TMEM132D: variants seen among roughly 807,000 people sequenced by gnomAD.
TMEM132D encodes transmembrane protein 132D.
A neutral mutation model predicts 62.3 loss-of-function variants in TMEM132D; 21 were observed. That is an observed-to-expected ratio of 0.34 (90% CI 0.24 to 0.49). The LOEUF is 0.49. TMEM132D is among the 20% of genes least tolerant of loss of function. The pLI is 0.99. For missense variants in TMEM132D, 1,346 were observed against 1,402.8 expected, an observed-to-expected ratio of 0.96 and a Z score of 0.65; for synonymous variants, 621 against 575.6, an observed-to-expected ratio of 1.08 and a Z score of -1.13.
At chr12:129,737,371 T>C (rs1869460703) in intron 1 of TMEM132D, among the ~76,000 whole-genome samples, 1 of 152,214 alleles carries the variant, frequency 6.6e-6, no homozygotes, top group Non-Finnish European at 1.5e-5. Context: ...GTTTTAATGT[T>C]TCCTAATTAG....
intron 1 of TMEM132D, among the ~76,000 whole-genome samples, chr12:129,870,313 T>C (rs1405585879): frequency 1.3e-5 from 2 of 152,242 alleles, no homozygotes; most frequent in East Asian, 1.9e-4. Flanking sequence ...AGGTGACTCA[T>C]GGGTGAACCC....
At chr12:129,761,619 T>C (rs1870381387) in intron 1 of TMEM132D, among the ~76,000 whole-genome samples, 1 of 152,200 alleles carries the variant, frequency 6.6e-6, no homozygotes, top group Non-Finnish European at 1.5e-5. Context: ...TCTCTCTCGG[T>C]TCTCCGCGGT....
chr12:129,890,112 T>C (rs142918798), intron 1 of TMEM132D, among the ~76,000 whole-genome samples: 2 of 152,348 alleles, frequency 1.3e-5, no homozygotes, highest in Middle Eastern at 3.4e-3. Flanking sequence ...ACACCAGTTC[T>C]AGGTCCCTTC....
intron 5 of TMEM132D, among the ~76,000 whole-genome samples, chr12:129,104,558 C>A (rs549373278): frequency 2.6e-5 from 4 of 152,078 alleles, no homozygotes; most frequent in South Asian, 2.1e-4. Context: ...TAATTAAACT[C>A]AAGAGCTTCT....
intron 2 of TMEM132D, among the ~76,000 whole-genome samples, chr12:129,617,069 C>T (rs568964852): frequency 6.6e-6 from 1 of 152,298 alleles, no homozygotes; most frequent in East Asian, 1.9e-4. Flanking sequence ...ATTTCTCAGA[C>T]TCCTGTACTG....
intron 2 of TMEM132D, among the ~76,000 whole-genome samples, chr12:129,577,149 A>G (rs1877686728): frequency 6.6e-6 from 1 of 151,872 alleles, no homozygotes; most frequent in Non-Finnish European, 1.5e-5. Flanking sequence ...CTTGAGAACC[A>G]CTAGAGATCA....
rs1028979872 is a variant in TMEM132D at position 129,371,305 on chromosome 12, T to C, written c.1116-33488A>G. On this transcript the variant is annotated intron_variant, in intron 3 of 8. Coordinates refer to ENST00000422113, the MANE Select transcript of TMEM132D (RefSeq NM_133448.3). This position sits in a 1 kb window ranked among gnomAD's most constrained non-coding sequence, Gnocchi z 4.3. Reference sequence around the variant, plus strand: ...GTGACGATGATGATGATGATGGAGATAATGATGATGGTGGTGGTGATAACG... The same window carrying C: ...GTGACGATGATGATGATGATGGAGACAATGATGATGGTGGTGGTGATAACG... 2.6e-5 allele frequency among the ~76,000 whole-genome samples: 4 copies of C among 151,216 alleles called. No homozygotes were observed. The highest frequency in any genetic ancestry group is 5.9e-5 in the Non-Finnish European group (4 of 67,658).
chr12:129,149,716 T>A (rs184638343), intron 5 of TMEM132D, among the ~76,000 whole-genome samples: 13 of 152,294 alleles, frequency 8.5e-5, no homozygotes, highest in African/African-American at 3.1e-4. Flanking sequence ...TTTTCAATCC[T>A]GCCTCACTCA....
rs576718162 is a variant in TMEM132D, at chr12:129,554,532, G to A, written c.969-23327C>T. On this transcript the variant is annotated intron_variant, in intron 2 of 8. Coordinates refer to ENST00000422113, the MANE Select transcript of TMEM132D (RefSeq NM_133448.3). ...GGGTTCCATGAGGCCTCATGGTACA[G>A]TACTTTATGTTCATGAACAGCCATG... Among the ~76,000 whole-genome samples the A allele has an allele frequency of 2.1e-3, 318 of 152,256 alleles. 3 individuals carry two copies. The highest frequency in any genetic ancestry group is 7.3e-3 in the African/African-American group (304 of 41,560).
At chr12:129,686,704 T>C (rs1365693937) in intron 2 of TMEM132D, among the ~76,000 whole-genome samples, 1 of 152,184 alleles carries the variant, frequency 6.6e-6, no homozygotes, top group Non-Finnish European at 1.5e-5. Flanking sequence ...ACACAAGCAC[T>C]CCCTGGGAGA....
At chr12:129,864,568 C>T (rs1874000146) in intron 1 of TMEM132D, among the ~76,000 whole-genome samples, 1 of 152,158 alleles carries the variant, frequency 6.6e-6, no homozygotes, top group South Asian at 2.1e-4. Context: ...TGGAGACCTG[C>T]TGGAAGCCAC....
At chr12:129,116,443 G>A (rs971221434) in intron 5 of TMEM132D, among the ~76,000 whole-genome samples, 1 of 151,998 alleles carries the variant, frequency 6.6e-6, no homozygotes, top group Non-Finnish European at 1.5e-5. Context: ...ACCCTGGGAA[G>A]AAAATGTAAA....
intron 3 of TMEM132D, among the ~76,000 whole-genome samples, chr12:129,439,343 C>G (rs1034677177): frequency 1.3e-5 from 2 of 152,138 alleles, no homozygotes; most frequent in African/African-American, 4.8e-5. Flanking sequence ...TCTCTTTACC[C>G]CCTTTCTCTC....
intron 2 of TMEM132D, among the ~76,000 whole-genome samples, chr12:129,654,705 C>T (rs893668841): frequency 6.6e-6 from 1 of 152,150 alleles, no homozygotes; most frequent in Non-Finnish European, 1.5e-5. Flanking sequence ...ACACAACCTC[C>T]CAAGGCCAGT....
At chr12:129,437,568 G>A (rs1872819740) in intron 3 of TMEM132D, among the ~76,000 whole-genome samples, 1 of 152,046 alleles carries the variant, frequency 6.6e-6, no homozygotes, top group Admixed American at 6.6e-5. Context: ...TGTTGGTAAG[G>A]ATGTGAAGTG....
At chr12:129,868,064 T>C (rs1874114057) in intron 1 of TMEM132D, among the ~76,000 whole-genome samples, 1 of 152,150 alleles carries the variant, frequency 6.6e-6, no homozygotes, top group African/African-American at 2.4e-5. Flanking sequence ...AGCGTTTCTA[T>C]GGTACACACA....
At chr12:129,762,493 T>C (rs559011067) in intron 1 of TMEM132D, among the ~76,000 whole-genome samples, 2 of 152,198 alleles carry the variant, frequency 1.3e-5, no homozygotes, top group South Asian at 4.2e-4. Flanking sequence ...GTGTAGGTGT[T>C]TTGCTCTGTC....
chr12:129,225,588 T>C (rs1879458772), intron 4 of TMEM132D, among the ~76,000 whole-genome samples: 1 of 152,216 alleles, frequency 6.6e-6, no homozygotes, highest in Non-Finnish European at 1.5e-5. Context: ...TTCCAAGTAG[T>C]ATCTACCACA....
intron 3 of TMEM132D, among the ~76,000 whole-genome samples, chr12:129,405,340 A>G (rs1871749796): frequency 6.6e-6 from 1 of 152,056 alleles, no homozygotes; most frequent in South Asian, 2.1e-4. Context: ...TACCCTCATG[A>G]CCTTACCTAA....
Sources: gnomAD v4.1 joint callset for allele counts (sites outside exome capture counted in the v4.1 genomes callset) on GRCh38, gnomAD v4.1.1 for gene constraint, Gnocchi (gnomAD v3.1) non-coding constraint, MANE v1.5 for transcripts, NCBI Gene and HGNC (gene_info 2026-07-23, HGNC 2026-07-21) for gene names.